Variants in MYCBP2 observed in about 807,000 individuals in gnomAD.
MYCBP2 encodes E3 ubiquitin-protein ligase MYCBP2.
MYCBP2 carries 120 observed loss-of-function variants against 525.3 expected under a neutral mutation model. That is an observed-to-expected ratio of 0.23 (90% confidence interval 0.20 to 0.27). MYCBP2 has a LOEUF of 0.27. MYCBP2 is among the 10% of genes least tolerant of loss of function. The pLI is 1.00. For missense variants in MYCBP2, 4,149 were observed against 5,657.1 expected, an observed-to-expected ratio of 0.73 and a Z score of 8.55; for synonymous variants, 1,894 against 1,955.8, an observed-to-expected ratio of 0.97 and a Z score of 0.83.
At chr13:77,106,885 C>T (rs2047940262) in intron 55 of MYCBP2, among the ~76,000 whole-genome samples, 1 of 152,118 alleles carries the variant, frequency 6.6e-6, no homozygotes, top group Non-Finnish European at 1.5e-5. Flanking sequence ...CTTCAATCTT[C>T]ATCCTCCTCC....
chr13:77,060,481 C>T (rs746553383), intron 76 of MYCBP2, among the ~76,000 whole-genome samples: 7 of 152,158 alleles, frequency 4.6e-5, no homozygotes, highest in African/African-American at 7.2e-5. Flanking sequence ...ACTGGAAGTT[C>T]GTGTCAGTCA....
intron 79 of MYCBP2, among the ~76,000 whole-genome samples, chr13:77,055,990 C>G (rs879295121): frequency 6.6e-6 from 1 of 152,116 alleles, no homozygotes; most frequent in Non-Finnish European, 1.5e-5. Context: ...CATGAAAATT[C>G]CATTTTATTA....
At chr13:77,321,840 T>C (rs1358195316) in intron 1 of MYCBP2, among the ~76,000 whole-genome samples, 1 of 152,252 alleles carries the variant, frequency 6.6e-6, no homozygotes, top group African/African-American at 2.4e-5. Context: ...TAAATTTTTA[T>C]AGGGCCAATG....
intron 68 of MYCBP2, among the ~76,000 whole-genome samples, chr13:77,071,516 C>CT (rs933043941): frequency 5.9e-5 from 9 of 151,402 alleles, no homozygotes; most frequent in African/African-American, 9.7e-5. Context: ...AAAACCAAAA[C>CT]TTTTTTTTTG....
chr13:77,248,006 G>A (rs987578965), intron 15 of MYCBP2, among the ~76,000 whole-genome samples: 6 of 151,936 alleles, frequency 3.9e-5, no homozygotes, highest in African/African-American at 9.7e-5. Context: ...TGGGGGAAGC[G>A]GGGAGGGATA....
At chr13:77,284,300 C>A (rs1385733898) in intron 3 of MYCBP2, among the ~76,000 whole-genome samples, 1 of 151,340 alleles carries the variant, frequency 6.6e-6, no homozygotes, top group African/African-American at 2.4e-5. Context: ...CAGCCACACA[C>A]TTAGGAGGAG....
At chr13:77,243,458 C>G (rs1405474974) in intron 16 of MYCBP2, among the ~76,000 whole-genome samples, 2 of 151,830 alleles carry the variant, frequency 1.3e-5, no homozygotes, top group African/African-American at 4.8e-5. Flanking sequence ...ACTAAAAATA[C>G]AAAAATTAGC....
At chr13:77,156,794 A>G (rs548683448) in intron 45 of MYCBP2, among the ~76,000 whole-genome samples, 2 of 152,318 alleles carry the variant, frequency 1.3e-5, no homozygotes, top group African/African-American at 4.8e-5. Flanking sequence ...TACACATTCA[A>G]GTTGTCCTGT....
chr13:77,321,096 C>T (rs1408165668), intron 1 of MYCBP2, among the ~76,000 whole-genome samples: 1 of 152,100 alleles, frequency 6.6e-6, no homozygotes, highest in Non-Finnish European at 1.5e-5. Flanking sequence ...TAAATTAAAC[C>T]TCAATTAACC....
chr13:77,321,680 T>A (rs903498441), intron 1 of MYCBP2, among the ~76,000 whole-genome samples: 1 of 152,240 alleles, frequency 6.6e-6, no homozygotes, highest in African/African-American at 2.4e-5. Flanking sequence ...CTGTCTCTGC[T>A]GATGCTTTTA....
chr13:77,070,705 A>G lies in MYCBP2; in HGVS notation c.11830T>C (p.Ser3944Pro). ...EGEEKVYNAT[S>P]DADLKEHMVG... Reference sequence around the variant, plus strand: ...ATATGTTCTTTCAGGTCAGCATCTGATGTTGCCTTTACATAGAAAAAGAAA... The same window carrying G: ...ATATGTTCTTTCAGGTCAGCATCTGGTGTTGCCTTTACATAGAAAAAGAAA... Residue 3944 changes from serine to proline, a missense_variant, in exon 69 of 83, where the codon TCA (serine) becomes CCA (proline). Ser to Pro is a moderately conservative substitution (Grantham distance 74). Transcript: ENST00000544440. 1 of 1,586,894 alleles carries G rather than the reference A, an allele frequency of 6.3e-7. No individual in the cohort carries two copies. The highest frequency in any genetic ancestry group is 1.7e-5 in the Admixed American group (1 of 58,600).
At chr13:77,171,412 G>A in intron 38 of MYCBP2, 80 bp downstream of exon 38, 1 of 1,348,410 alleles carries the variant, frequency 7.4e-7, no homozygotes, top group Non-Finnish European at 1.0e-6. Flanking sequence ...ATAATAGAAG[G>A]CTCCTCTTCA....
At chr13:77,135,795 T>C (rs1024606871) in intron 52 of MYCBP2, among the ~76,000 whole-genome samples, 7 of 152,186 alleles carry the variant, frequency 4.6e-5, no homozygotes, top group African/African-American at 1.7e-4. Flanking sequence ...TTGTGTCTTA[T>C]GGACCCCTTC....
At chr13:77,278,059 T>C (rs886925356) in intron 4 of MYCBP2, among the ~76,000 whole-genome samples, 1 of 152,214 alleles carries the variant, frequency 6.6e-6, no homozygotes, top group African/African-American at 2.4e-5. Context: ...CTTTATTTAC[T>C]TAATGAAAGT....
chr13:77,125,311 A>G (rs745624474), intron 54 of MYCBP2, 25 bp downstream of exon 54: 1 of 1,613,030 alleles, frequency 6.2e-7, no homozygotes, highest in African/African-American at 1.3e-5. Context: ...TAATTGGAAT[A>G]AATCACAAAT....
At chr13:77,219,353 A>G (rs542685214) in intron 20 of MYCBP2, among the ~76,000 whole-genome samples, 2 of 152,236 alleles carry the variant, frequency 1.3e-5, no homozygotes, top group East Asian at 3.9e-4. Context: ...ACAATGCAGC[A>G]GATAAGGAGT....
intron 17 of MYCBP2, among the ~76,000 whole-genome samples, chr13:77,239,643 G>A (rs2154311419): frequency 6.6e-6 from 1 of 152,294 alleles, no homozygotes; most frequent in Non-Finnish European, 1.5e-5. Context: ...TTAAAGCACA[G>A]TTTACTGGCT....
rs2069247929 is a variant in MYCBP2 at position 77,243,490 on chromosome 13, G to GT, written c.2527+315dup. ...TAGCCAGGTGTGGTAGCGGGCACCT[G>GT]TAATTCCAGCTACTCGGGAGGCCGA... On this transcript the variant is annotated intron_variant, in intron 16 of 82. Coordinates refer to ENST00000544440, the MANE Select transcript of MYCBP2 (RefSeq NM_015057.5). Among the ~76,000 whole-genome samples the GT allele has an allele frequency of 3.3e-5, 5 of 152,138 alleles. No individual in the cohort carries two copies. In the South Asian group the frequency reaches 1.0e-3, roughly 32 times the overall value.
intron 46 of MYCBP2, among the ~76,000 whole-genome samples, chr13:77,151,702 A>G (rs1054386616): frequency 1.3e-5 from 2 of 152,260 alleles, no homozygotes; most frequent in East Asian, 1.9e-4. Flanking sequence ...TCCAGGAATT[A>G]TAACTTTGCA....
Sources: allele counts gnomAD v4.1 joint callset (sites outside exome capture counted in the v4.1 genomes callset), GRCh38; gene constraint gnomAD v4.1.1; transcripts MANE v1.5; gene names NCBI Gene and HGNC (gene_info 2026-07-23, HGNC 2026-07-21).